TTC7B: variants seen among roughly 807,000 people sequenced by gnomAD.
The protein encoded by TTC7B is tetratricopeptide repeat domain 7B.
In TTC7B, 28 loss-of-function variants were observed where a neutral mutation model predicts 106.8. The observed-to-expected ratio is 0.26, with a 90% CI of 0.19 to 0.36. The LOEUF is 0.36. Among genes scored for constraint, TTC7B ranks in the 10% least tolerant of loss-of-function variants. The pLI is 1.00. For synonymous variants in TTC7B, 405 were observed against 430.6 expected (o/e 0.94, Z 0.74); for missense variants, 862 against 1,076.4 (o/e 0.80, Z 2.79).
intron 15 of TTC7B, among the ~76,000 whole-genome samples, chr14:90,633,195 A>T (rs552159093): frequency 3.2e-4 from 49 of 152,368 alleles, no homozygotes; most frequent in Non-Finnish European, 6.5e-4. Context: ...TCACATACTT[A>T]TATTAGTAAT....
rs754138337 is a variant in TTC7B, at chr14:90,541,485, G to A, written c.2415C>T (p.Gly805=). 22 of 1,613,928 alleles carry A rather than the reference G, an allele frequency of 1.4e-5. No homozygotes were observed. The Admixed American group carries it at 2.2e-4, about 16-fold the overall frequency. Residue 805 remains glycine, a synonymous_variant, in exon 20 of 20, where the codon GGC becomes GGT. Transcript: ENST00000328459. ...CGTTGCCCTGAGCTTGGAGGACCTC[G>A]CCCAGCCCGTTCCAGACCTCGTGGG... is the stretch of plus-strand genomic sequence containing the variant. ...STAHEVWNGL[G]EVLQAQGNDA...
chr14:90,665,823 C>T (rs1197699297), intron 9 of TTC7B, among the ~76,000 whole-genome samples: 3 of 152,224 alleles, frequency 2.0e-5, no homozygotes, highest in South Asian at 2.1e-4. Context: ...TCTTCCACAT[C>T]GTGTATACTT....
intron 18 of TTC7B, among the ~76,000 whole-genome samples, chr14:90,584,284 C>T (rs1416237335): frequency 6.6e-6 from 1 of 152,328 alleles, no homozygotes; most frequent in East Asian, 1.9e-4. Context: ...GCTAGATGCA[C>T]CCAGAACCTC....
intron 16 of TTC7B, among the ~76,000 whole-genome samples, chr14:90,613,847 C>T (rs981502186): frequency 5.3e-5 from 8 of 152,196 alleles, no homozygotes; most frequent in African/African-American, 1.9e-4. Flanking sequence ...CGGGAGATGC[C>T]CACATGCGTA....
chr14:90,752,371 A>T (rs1356401399), intron 3 of TTC7B, among the ~76,000 whole-genome samples: 1 of 152,204 alleles, frequency 6.6e-6, no homozygotes, highest in Non-Finnish European at 1.5e-5. Flanking sequence ...TTTAATTTAA[A>T]AAAAGAAAGA....
chr14:90,553,484 C>T (rs868608766), intron 19 of TTC7B, among the ~76,000 whole-genome samples: 1 of 152,230 alleles, frequency 6.6e-6, no homozygotes, highest in African/African-American at 2.4e-5. Flanking sequence ...GCAGCACCCC[C>T]TCCAGGGACC....
chr14:90,567,045 G>A (rs1192161867), intron 19 of TTC7B, among the ~76,000 whole-genome samples: 3 of 152,184 alleles, frequency 2.0e-5, no homozygotes, highest in Non-Finnish European at 2.9e-5. Flanking sequence ...AGGCGGGGGC[G>A]GGGAGGGGTG....
chr14:90,655,334 T>C (rs1401630660), intron 11 of TTC7B, among the ~76,000 whole-genome samples: 2 of 152,240 alleles, frequency 1.3e-5, no homozygotes, highest in Non-Finnish European at 2.9e-5. Flanking sequence ...TTACTGCTTA[T>C]TTGCCTTCTT....
intron 3 of TTC7B, among the ~76,000 whole-genome samples, chr14:90,771,612 A>G (rs1203519328): frequency 6.6e-6 from 1 of 152,116 alleles, no homozygotes; most frequent in Non-Finnish European, 1.5e-5. Flanking sequence ...AAAAAGAAAA[A>G]AATCCATAAG....
intron 3 of TTC7B, among the ~76,000 whole-genome samples, chr14:90,772,368 T>C (rs566428670): frequency 6.4e-4 from 97 of 152,334 alleles, no homozygotes; most frequent in African/African-American, 2.2e-3. Flanking sequence ...TTAAATAGAT[T>C]ATACTTCATC....
At chr14:90,572,805 C>T (rs541307911) in intron 19 of TTC7B, among the ~76,000 whole-genome samples, 4 of 152,272 alleles carry the variant, frequency 2.6e-5, no homozygotes, top group Non-Finnish European at 5.9e-5. Context: ...TGTGTTTTTC[C>T]ACCAAGCAGC....
At chr14:90,702,735 G>T (rs1457914530) in intron 5 of TTC7B, among the ~76,000 whole-genome samples, 1 of 152,162 alleles carries the variant, frequency 6.6e-6, no homozygotes, top group African/African-American at 2.4e-5. Flanking sequence ...GGCTCACAAT[G>T]ACAAAAGACA....
In TTC7B at chr14:90,541,366, G is replaced by T; in HGVS notation, c.*2C>A. On this transcript the variant is annotated 3_prime_UTR_variant, in exon 20 of 20. Coordinates refer to ENST00000328459, the MANE Select transcript of TTC7B (RefSeq NM_001010854.2). ...CGGCAGGTGAGGCTGGCAGGCGCCT[G>T]CTCAGAGCACGCGGGGGATGATGGT... 6.3e-7 allele frequency: 1 copy of T among 1,588,542 alleles called. No homozygotes were observed. Among genetic ancestry groups the T allele is most frequent in the Non-Finnish European group, 8.6e-7 (1 of 1,168,610 alleles).
At chr14:90,715,158 C>G (rs1031546537) in intron 5 of TTC7B, among the ~76,000 whole-genome samples, 3 of 152,212 alleles carry the variant, frequency 2.0e-5, no homozygotes, top group Non-Finnish European at 4.4e-5. Context: ...CTCCTGTTCC[C>G]AGACCCATCC....
At chr14:90,561,531 T>G (rs1304711214) in intron 19 of TTC7B, among the ~76,000 whole-genome samples, 2 of 152,222 alleles carry the variant, frequency 1.3e-5, no homozygotes, top group African/African-American at 4.8e-5. Context: ...CACTGAAGTC[T>G]CTCTGGCTCA....
rs1889619123 is a variant in TTC7B at position 90,542,046 on chromosome 14, T to C, written c.2311-457A>G. Among the ~76,000 whole-genome samples the C allele has an allele frequency of 2.0e-5, 3 of 152,150 alleles. No homozygotes were observed. In the South Asian group the frequency reaches 6.2e-4, roughly 32 times the overall value. ...GCTCCGCCTCCCGGGTTCATGCCAT[T>C]CTCCTGCCTCAGCCTCCCCAGTAGC... On this transcript the variant is annotated intron_variant, in intron 19 of 19. Transcript: ENST00000328459.
At chr14:90,668,103 GATA>G (rs1361868585) in intron 9 of TTC7B, among the ~76,000 whole-genome samples, 3 of 129,050 alleles carry the variant, frequency 2.3e-5, no homozygotes, top group Non-Finnish European at 3.2e-5. Flanking sequence ...GCTCAAAATA[GATA>G]ATAAGACCAA....
In TTC7B at chr14:90,600,340, TG is replaced by T. The variant is rs1892374582; in HGVS notation, c.1967-6715del. Among the ~76,000 whole-genome samples the T allele has an allele frequency of 6.6e-6, 1 of 152,198 alleles. No individual in the cohort carries two copies. The highest frequency in any genetic ancestry group is 1.5e-5 in the Non-Finnish European group (1 of 68,028). On this transcript the variant is annotated intron_variant, in intron 17 of 19. Transcript: ENST00000328459. This position sits in a 1 kb window ranked among gnomAD's most constrained non-coding sequence, Gnocchi z 4.3. ...TGTCACAGCTCTCCTCTCCATCTGC[TG>T]CTTCCCTGGGAGCTGCCCTCGCGCC... is the stretch of plus-strand genomic sequence containing the variant.
At chr14:90,702,543 CTT>C (rs1229562253) in intron 5 of TTC7B, among the ~76,000 whole-genome samples, 1 of 151,656 alleles carries the variant, frequency 6.6e-6, no homozygotes, top group Non-Finnish European at 1.5e-5. Context: ...AAAAAAAAAA[CTT>C]TTGGAATTCT....
Sources: allele counts gnomAD v4.1 joint callset (sites outside exome capture counted in the v4.1 genomes callset), GRCh38; gene constraint gnomAD v4.1.1; non-coding constraint Gnocchi (gnomAD v3.1); transcripts MANE v1.5; gene names NCBI Gene and HGNC (gene_info 2026-07-23, HGNC 2026-07-21).